The following ZMYM2 variants were observed in gnomAD, a reference collection of about 807,000 sequenced individuals.
The protein encoded by ZMYM2 is zinc finger MYM-type containing 2.
A neutral mutation model predicts 162.8 loss-of-function variants in ZMYM2; 56 were observed. The observed-to-expected ratio is 0.34, with a 90% confidence interval of 0.28 to 0.43. The LOEUF is 0.43. ZMYM2 is among the 20% of genes least tolerant of loss of function. The probability of loss-of-function intolerance (pLI) is 1.00; values close to 1 mark genes in which losing one functional copy is unlikely to be tolerated. For missense variants in ZMYM2, 1,275 were observed against 1,621.8 expected (o/e 0.79, Z 3.67); for synonymous variants, 510 against 541.6 (o/e 0.94, Z 0.81).
chr13:20,054,483 G>T (rs1031600840), intron 14 of ZMYM2, among the ~76,000 whole-genome samples: 2 of 152,188 alleles, frequency 1.3e-5, no homozygotes, highest in Non-Finnish European at 2.9e-5. Flanking sequence ...TACCTTTTGT[G>T]GTGGTAGGAG....
At chr13:19,895,886 A>G in the ZMYM2 span, among the ~76,000 whole-genome samples, 2 of 151,890 alleles carry the variant, frequency 1.3e-5, no homozygotes, top group Non-Finnish European at 2.9e-5. Context: ...TGATTAATTA[A>G]TAAATATTGT....
chr13:20,039,579 T>A (rs1372925238), intron 12 of ZMYM2, among the ~76,000 whole-genome samples: 3 of 151,552 alleles, frequency 2.0e-5, no homozygotes, highest in Admixed American at 2.0e-4. Flanking sequence ...GTTCACGTCA[T>A]TCTCCTGCCT....
chr13:19,993,043 T>TA lies in ZMYM2; in HGVS notation c.-10-20_-10-19insA. 1 of 1,542,946 alleles carries TA rather than the reference T, an allele frequency of 6.5e-7. No homozygotes were observed. Among genetic ancestry groups the TA allele is most frequent in the Non-Finnish European group, 8.7e-7 (1 of 1,149,348 alleles). On this transcript the variant is annotated intron_variant, in intron 2 of 24. Coordinates refer to ENST00000610343, the MANE Select transcript of ZMYM2 (RefSeq NM_197968.4). ...AAAGTCATACTGACATTTTAATTCT[T>TA]TTTTCTATCTTCCTAACAGGTTCTT...
chr13:20,061,596 G>GTTT (rs555183872), intron 17 of ZMYM2, among the ~76,000 whole-genome samples: 14 of 143,838 alleles, frequency 9.7e-5, no homozygotes, highest in African/African-American at 2.8e-4. Context: ...GTTTTGTTTT[G>GTTT]TTTTTTTTTT....
the ZMYM2 span, among the ~76,000 whole-genome samples, chr13:19,902,520 G>A: frequency 6.6e-6 from 1 of 152,100 alleles, no homozygotes; most frequent in African/African-American, 2.4e-5. Context: ...GGAGGCTGAG[G>A]CAGGAGAATT....
At chr13:19,961,300 T>C (rs1437476900) in intron 2 of ZMYM2, among the ~76,000 whole-genome samples, 4 of 152,316 alleles carry the variant, frequency 2.6e-5, no homozygotes, top group Non-Finnish European at 5.9e-5. Context: ...ACCACAGTTA[T>C]CAATTAGATT....
At chr13:19,871,404 TTTTTA>T in the ZMYM2 span, among the ~76,000 whole-genome samples, 6 of 152,144 alleles carry the variant, frequency 3.9e-5, no homozygotes, top group South Asian at 2.1e-4. Context: ...AAGGGTTTTG[TTTTTA>T]TTTTATTTTT....
the ZMYM2 span, among the ~76,000 whole-genome samples, chr13:19,945,200 C>T: frequency 9.9e-5 from 15 of 151,870 alleles, no homozygotes; most frequent in Non-Finnish European, 1.9e-4. Flanking sequence ...AAGTAAAAAG[C>T]AATAATAAGT....
chr13:19,987,113 A>C (rs999071675), intron 2 of ZMYM2, among the ~76,000 whole-genome samples: 1 of 117,640 alleles, frequency 8.5e-6, no homozygotes, highest in Non-Finnish European at 1.7e-5. Context: ...CTCCGTCTCA[A>C]AAAAAAAAAA....
chr13:20,044,158 G>T (rs771430416), intron 12 of ZMYM2, among the ~76,000 whole-genome samples: 15 of 152,134 alleles, frequency 9.9e-5, no homozygotes, highest in Non-Finnish European at 1.8e-4. Context: ...GTCATCCTTG[G>T]CTGTGCTCCA....
the ZMYM2 span, among the ~76,000 whole-genome samples, chr13:19,868,075 T>C: frequency 1.3e-5 from 2 of 152,198 alleles, no homozygotes; most frequent in African/African-American, 4.8e-5. Context: ...ATAGGTAACA[T>C]TTCTCTTTTT....
At position 19,998,434 on chromosome 13, in the gene ZMYM2, A is replaced by C. The variant is rs17074814; in HGVS notation, c.848-4416A>C. Among the ~76,000 whole-genome samples the C allele has an allele frequency of 8.7e-3, 1,326 of 152,322 alleles. 32 individuals carry two copies. Among genetic ancestry groups the C allele is most frequent in the African/African-American group, 0.03 (1,251 of 41,570 alleles). ...TATGTATTCAAGTGACAAGCCTACA[A>C]AATAGAACACCCCGAGGAGCCACTA... On this transcript the variant is annotated intron_variant, in intron 3 of 24. Coordinates refer to ENST00000610343, the MANE Select transcript of ZMYM2 (RefSeq NM_197968.4).
intron 11 of ZMYM2, among the ~76,000 whole-genome samples, chr13:20,034,732 C>T (rs546506781): frequency 2.0e-5 from 3 of 152,298 alleles, no homozygotes; most frequent in Admixed American, 1.3e-4. Flanking sequence ...TCCATTAGCT[C>T]CATTTTCCCT....
intron 12 of ZMYM2, among the ~76,000 whole-genome samples, chr13:20,046,080 A>C (rs79141535): frequency 6.8e-6 from 1 of 146,046 alleles, no homozygotes; most frequent in Non-Finnish European, 1.5e-5. Context: ...CATCTCTGCA[A>C]AAAAAAAAAA....
Position 20,062,935 on chromosome 13 carries a change from G to A in ZMYM2, c.3001G>A (p.Glu1001Lys). The change falls in exon 18 of 25, where the codon GAA becomes AAA. Residue 1001 changes from glutamate to lysine, a missense_variant. Around this residue, in one of 10 missense-constraint regions of ZMYM2, gnomAD observed 229 missense variants for 283.8 expected, o/e 0.81. Coordinates refer to ENST00000610343, the MANE Select transcript of ZMYM2 (RefSeq NM_197968.4). ...TQSSMPDVPY[E>K]PDLDIEIDFP... ...GTCCAGCATGCCTGATGTACCATAT[G>A]AACCAGATTTGGATATCGAAATAGA... The A allele has an allele frequency of 6.2e-7, 1 of 1,604,428 alleles. No homozygotes were observed. The highest frequency in any genetic ancestry group is 8.5e-7 in the Non-Finnish European group (1 of 1,174,842).
chr13:19,903,907 T>C, the ZMYM2 span, among the ~76,000 whole-genome samples: 1 of 150,368 alleles, frequency 6.7e-6, no homozygotes, highest in Non-Finnish European at 1.5e-5. Context: ...TTTAGGGAGG[T>C]TTTTTGGGGG....
intron 2 of ZMYM2, among the ~76,000 whole-genome samples, chr13:19,977,019 A>G (rs1006698401): frequency 6.6e-5 from 10 of 152,188 alleles, no homozygotes; most frequent in African/African-American, 1.7e-4. Flanking sequence ...CCTTTCATCA[A>G]TATATAATGT....
At chr13:19,934,923 C>T in the ZMYM2 span, among the ~76,000 whole-genome samples, 1 of 151,846 alleles carries the variant, frequency 6.6e-6, no homozygotes, top group Admixed American at 6.6e-5. Flanking sequence ...CTTAACACCA[C>T]GCCTGGCTAA....
At chr13:20,072,764 T>C (rs1957184455) in intron 21 of ZMYM2, among the ~76,000 whole-genome samples, 1 of 148,240 alleles carries the variant, frequency 6.7e-6, no homozygotes, top group African/African-American at 2.6e-5. Flanking sequence ...TTCCTGTTTC[T>C]TCTTGTACCA....
Sources: allele counts gnomAD v4.1 joint callset (sites outside exome capture counted in the v4.1 genomes callset), GRCh38; gene constraint gnomAD v4.1.1; regional missense constraint gnomAD v4.1.1; transcripts MANE v1.5; gene names NCBI Gene and HGNC (gene_info 2026-07-23, HGNC 2026-07-21).